The following USP24 variants were observed in gnomAD, a reference collection of about 807,000 sequenced individuals.
The protein encoded by USP24 is ubiquitin specific peptidase 24, also known as ubiquitin carboxyl-terminal hydrolase 24.
A neutral mutation model predicts 361.6 loss-of-function variants in USP24; 97 were observed. The ratio of observed to expected loss-of-function variants is 0.27; its 90% confidence interval spans 0.23 to 0.32. USP24 has a LOEUF of 0.32. Ranked by LOEUF, USP24 falls within the 10% of genes least tolerant of loss-of-function variation. The probability of loss-of-function intolerance (pLI) is 1.00; values close to 1 mark genes in which losing one functional copy is unlikely to be tolerated. For missense variants in USP24, 2,353 were observed against 3,165.6 expected (o/e 0.74, Z 6.16); for synonymous variants, 1,098 against 1,124.6 (o/e 0.98, Z 0.47).
At position 55,125,321 on chromosome 1, in the gene USP24, T is replaced by C; in HGVS notation, c.3959A>G (p.Gln1320Arg). The change falls in exon 34 of 68, where the codon CAA (glutamine) becomes CGA (arginine). Residue 1320 changes from glutamine (Q) to arginine (R), a missense_variant and splice_region_variant. By Grantham distance (43) the Gln-to-Arg change is conservative. Coordinates refer to ENST00000294383, the MANE Select transcript of USP24 (RefSeq NM_015306.3). ...EIIPAARVAI[Q>R]TMEVSDFTST... ...GTCTTGAATACACAAATCACTTACT[T>C]GTATTGCAACTCGAGCAGCAGGGAT... 6.2e-7 allele frequency: 1 copy of C among 1,613,244 alleles called. No homozygotes were observed. The highest frequency in any genetic ancestry group is 2.2e-5 in the East Asian group (1 of 44,860).
chr1:55,079,457 AT>A, intron 60 of USP24, 80 bp downstream of exon 60: 1 of 1,511,626 alleles, frequency 6.6e-7, no homozygotes, highest in African/African-American at 1.4e-5. Context: ...AATACTCTTC[AT>A]GCCAAACATA....
In USP24 at chr1:55,071,700, T is replaced by C. The variant is rs189941381; in HGVS notation, c.7800+114A>G. 7 of 1,188,362 alleles carry C rather than the reference T, an allele frequency of 5.9e-6. No individual in the cohort carries two copies. The Admixed American group carries it at 1.4e-4, about 24-fold the overall frequency. The allele number at this position is 1,188,362 out of a possible 1,614,324, so 73.6% of individuals were successfully genotyped here. The stretch of plus-strand genomic sequence containing the variant: ...ACTAGAGGGCAGCGCTGGTAACTCT[T>C]TGGACTCACATTCCAGAGGAAGCAT... On this transcript the variant is annotated intron_variant, in intron 67 of 67. Transcript: ENST00000294383.
Position 55,137,913 on chromosome 1 carries a change from T to A in USP24, c.2929-9A>T. The A allele has an allele frequency of 1.3e-6, 2 of 1,559,562 alleles. No homozygotes were observed. Among genetic ancestry groups the A allele is most frequent in the Non-Finnish European group, 1.7e-6 (2 of 1,147,082 alleles). On this transcript the variant is annotated splice_polypyrimidine_tract_variant and intron_variant, in intron 26 of 67. Coordinates refer to ENST00000294383, the MANE Select transcript of USP24 (RefSeq NM_015306.3). ...GTTTCATTACTGTGAGCCTGTAAAA[T>A]AAAATTAAACACGTTGTGAGAGAAT...
chr1:55,077,898 A>C (rs1316404814), intron 61 of USP24, among the ~76,000 whole-genome samples: 1 of 152,244 alleles, frequency 6.6e-6, no homozygotes, highest in Non-Finnish European at 1.5e-5. Context: ...GAATCCTCAC[A>C]ACCTGTGAAG....
intron 36 of USP24, among the ~76,000 whole-genome samples, chr1:55,122,875 G>C (rs1325965625): frequency 1.3e-5 from 2 of 152,096 alleles, no homozygotes; most frequent in African/African-American, 4.8e-5. Context: ...GGAGACATCA[G>C]GACAGTGGTA....
intron 52 of USP24, chr1:55,093,736 C>T (rs924100333): frequency 8.5e-5 from 49 of 577,276 alleles, no homozygotes; most frequent in Non-Finnish European, 1.3e-4. Flanking sequence ...AGTGTGTATT[C>T]ATACTTGTGT....
rs189134426 is a variant in USP24, at chr1:55,182,049, C to A, written c.325-3917G>T. ...CACCAGAAACCAACTCTAATGACTT[C>A]TTTTTTATTTTTATTTTTTTTGAGA... is the stretch of plus-strand genomic sequence containing the variant. On this transcript the variant is annotated intron_variant, in intron 1 of 67. Coordinates refer to ENST00000294383, the MANE Select transcript of USP24 (RefSeq NM_015306.3). Among the ~76,000 whole-genome samples the A allele has an allele frequency of 1.7e-3, 266 of 152,108 alleles. 1 individual carries two copies. Among genetic ancestry groups the A allele is most frequent in the African/African-American group, 6.2e-3 (258 of 41,456 alleles).
At chr1:55,098,321 T>C (rs1296895058) in intron 46 of USP24, among the ~76,000 whole-genome samples, 155 bp downstream of exon 46, 1 of 152,214 alleles carries the variant, frequency 6.6e-6, no homozygotes, top group African/African-American at 2.4e-5. Context: ...CTTCTGGAAG[T>C]AGAAAGCAAA....
Position 55,138,707 on chromosome 1 carries a change from A to C in USP24, c.2829T>G (p.Ser943=). The C allele has an allele frequency of 1.2e-6, 2 of 1,612,112 alleles. No individual in the cohort carries two copies. The highest frequency in any genetic ancestry group is 1.7e-6 in the Non-Finnish European group (2 of 1,178,948). The change falls in exon 26 of 68, where the codon TCT becomes TCG. Residue 943 remains serine (S), a synonymous_variant. Coordinates refer to ENST00000294383, the MANE Select transcript of USP24 (RefSeq NM_015306.3). Reference sequence around the variant, plus strand: ...CATGAGGTAGAATAGTTCGTGGAACAGAGTAAAAATCCTTAAAAAACGAAT... The same window carrying C: ...CATGAGGTAGAATAGTTCGTGGAACCGAGTAAAAATCCTTAAAAAACGAAT... The part of the protein sequence containing the change: ...RYVITIEDFY[S]VPRTILPHGA...
rs1163377721 is a variant in USP24, at chr1:55,141,427, G to T, written c.2750+189C>A. 2.0e-5 allele frequency among the ~76,000 whole-genome samples: 3 copies of T among 152,130 alleles called. No individual in the cohort carries two copies. The East Asian group carries it at 5.8e-4, about 29-fold the overall frequency. Reference sequence around the variant, plus strand: ...TGGTCCTGGTGATGACCTACACACAGAACTTCCAAAGAGGCACAGATTCAG... The same window carrying T: ...TGGTCCTGGTGATGACCTACACACATAACTTCCAAAGAGGCACAGATTCAG... On this transcript the variant is annotated intron_variant, in intron 24 of 67. Coordinates refer to ENST00000294383, the MANE Select transcript of USP24 (RefSeq NM_015306.3).
intron 35 of USP24, 89 bp from the exon 36 acceptor site, chr1:55,123,691 T>C: frequency 1.5e-6 from 2 of 1,335,750 alleles, no homozygotes; most frequent in East Asian, 2.8e-5. Flanking sequence ...AGAATCCTCA[T>C]GTGACATTAA....
chr1:55,101,780 T>A (rs1645641400), intron 42 of USP24, 77 bp from the exon 43 acceptor site: 3 of 1,441,088 alleles, frequency 2.1e-6, no homozygotes, highest in Non-Finnish European at 2.7e-6. Flanking sequence ...ACTATAGCTA[T>A]GCGGGAGATA....
chr1:55,110,276 T>C (rs1215228612), intron 38 of USP24, 30 bp from the exon 39 acceptor site: 1 of 1,480,724 alleles, frequency 6.8e-7, no homozygotes, highest in Non-Finnish European at 9.0e-7. Flanking sequence ...CAGTTACTAA[T>C]AAGAGGCTGA....
In USP24 at chr1:55,129,494, G is replaced by C; in HGVS notation, c.3618C>G (p.Leu1206=). ...SCAKSFCENF[L]KAGGLSLVVN... ...ACTCTAACCTCAAACCGCCAGCTTT[G>C]AGGAAGTTTTCACAGAAGGATTTGG... Residue 1206 remains leucine, a synonymous_variant, in exon 32 of 68, where the codon CTC becomes CTG. Transcript: ENST00000294383. 6.2e-7 allele frequency: 1 copy of C among 1,613,832 alleles called. No individual in the cohort carries two copies. The highest frequency in any genetic ancestry group is 8.5e-7 in the Non-Finnish European group (1 of 1,179,816).
chr1:55,134,665 C>T (rs1379338106), intron 28 of USP24, among the ~76,000 whole-genome samples: 1 of 152,054 alleles, frequency 6.6e-6, no homozygotes, highest in Non-Finnish European at 1.5e-5. Context: ...GACTAAGGTG[C>T]CAAAAGGCAG....
chr1:55,215,162 T>C lies in USP24; in HGVS notation c.-49A>G. On this transcript the variant is annotated 5_prime_UTR_variant, in exon 1 of 68. Coordinates refer to ENST00000294383, the MANE Select transcript of USP24 (RefSeq NM_015306.3). ...GGCCAGCGCACGGCGAAGCTACGGGTCCCGGGCCTGGCGGGCCGCGCGGCG... is the reference window on the plus strand; with the variant it reads ...GGCCAGCGCACGGCGAAGCTACGGGCCCCGGGCCTGGCGGGCCGCGCGGCG... 8.3e-7 allele frequency: 1 copy of C among 1,202,968 alleles called. No homozygotes were observed. Among genetic ancestry groups the C allele is most frequent in the Non-Finnish European group, 1.0e-6 (1 of 967,048 alleles). The allele number at this position is 1,202,968 out of a possible 1,614,324, so 74.5% of individuals were successfully genotyped here. A position where few individuals can be genotyped will look rare whatever the true frequency, so the allele number is the denominator to read the frequency against.
At chr1:55,127,916 A>G (rs1364111473) in intron 32 of USP24, among the ~76,000 whole-genome samples, 2 of 151,956 alleles carry the variant, frequency 1.3e-5, no homozygotes. Context: ...CCTGCCTTAC[A>G]CTTGCCACTC....
rs1429161001 is a variant in USP24, at chr1:55,121,480, C to T, written c.4303G>A (p.Ala1435Thr). The change falls in exon 37 of 68, where the codon GCT (alanine) becomes ACT (threonine). Residue 1435 changes from alanine to threonine, a missense_variant. Ala to Thr is a moderately conservative substitution (Grantham distance 58). Coordinates refer to ENST00000294383, the MANE Select transcript of USP24 (RefSeq NM_015306.3). ...LASFYNLPCVADFIIDILLGS... is the reference protein window; with the variant it reads ...LASFYNLPCVTDFIIDILLGS... ...AGCAGAATATCAATGATGAAATCAG[C>T]AACACAGGGCAAGTTATAGAAAGAT... 1.2e-6 allele frequency: 2 copies of T among 1,613,378 alleles called. No homozygotes were observed. Among genetic ancestry groups the T allele is most frequent in the Non-Finnish European group, 1.7e-6 (2 of 1,179,728 alleles).
intron 24 of USP24, among the ~76,000 whole-genome samples, chr1:55,141,053 A>C (rs549588680): frequency 6.6e-6 from 1 of 152,302 alleles, no homozygotes; most frequent in South Asian, 2.1e-4. Flanking sequence ...TAAAGTTCTC[A>C]CTAAAAATTA....
Sources: gnomAD v4.1 joint callset for allele counts (sites outside exome capture counted in the v4.1 genomes callset) on GRCh38, gnomAD v4.1.1 for gene constraint, MANE v1.5 for transcripts, NCBI Gene and HGNC (gene_info 2026-07-23, HGNC 2026-07-21) for gene names.